Variants in XRCC4 observed in about 807,000 individuals in gnomAD.
XRCC4 encodes the protein X-ray repair cross complementing 4, also known as DNA repair protein XRCC4.
XRCC4 carries 28 observed loss-of-function variants against 39.1 expected under a neutral mutation model. The ratio of observed to expected loss-of-function variants is 0.72; its 90% CI spans 0.53 to 0.98. The LOEUF (loss-of-function observed/expected upper bound fraction) is 0.98. Among genes scored for constraint, XRCC4 ranks in the 50% least tolerant of loss-of-function variants. The pLI, the probability that XRCC4 is intolerant of heterozygous loss-of-function variation, is 0.00. For missense variants in XRCC4, 350 were observed against 376.4 expected (o/e 0.93, Z 0.58); for synonymous variants, 123 against 126.4 (o/e 0.97, Z 0.18).
chr5:83,215,169 C>CTACAAAAAA (rs756540289), intron 6 of XRCC4, among the ~76,000 whole-genome samples: 18 of 151,802 alleles, frequency 1.2e-4, no homozygotes, highest in Non-Finnish European at 2.4e-4. Context: ...AACTCCATCT[C>CTACAAAAAA]TACAAAAAAT....
chr5:83,358,408 A>G (rs2112247809), downstream of XRCC4, among the ~76,000 whole-genome samples: 1 of 151,888 alleles, frequency 6.6e-6, no homozygotes, highest in East Asian at 1.9e-4. Context: ...CCTCTCCTCT[A>G]TTTAAATAAA....
At chr5:83,194,163 C>T (rs1184715841) in intron 3 of XRCC4, among the ~76,000 whole-genome samples, 7 of 152,134 alleles carry the variant, frequency 4.6e-5, no homozygotes, top group Admixed American at 1.3e-4. Context: ...AGGCAGGTTT[C>T]GAACTCCTGA....
chr5:83,122,279 C>G (rs1747047460), intron 3 of XRCC4, among the ~76,000 whole-genome samples: 1 of 152,124 alleles, frequency 6.6e-6, no homozygotes, highest in African/African-American at 2.4e-5. Flanking sequence ...CCATATTAAG[C>G]CTTCTGACTC....
chr5:83,080,259 G>A (rs1026427834), intron 1 of XRCC4, among the ~76,000 whole-genome samples: 2 of 152,090 alleles, frequency 1.3e-5, no homozygotes, highest in African/African-American at 2.4e-5. Flanking sequence ...GGGTGCGGTG[G>A]CTCATGCCTG....
At chr5:83,144,404 C>T (rs2112530230) in intron 3 of XRCC4, among the ~76,000 whole-genome samples, 2 of 151,834 alleles carry the variant, frequency 1.3e-5, no homozygotes, top group Admixed American at 1.3e-4. Context: ...TTCCCAATAT[C>T]CTTACAAACT....
chr5:83,195,627 C>T, intron 3 of XRCC4, 143 bp from the exon 4 acceptor site: 2 of 745,068 alleles, frequency 2.7e-6, no homozygotes, highest in Non-Finnish European at 3.9e-6. Context: ...TTTTTTTGCT[C>T]ACTGTTTGTA....
intron 7 of XRCC4, among the ~76,000 whole-genome samples, chr5:83,342,822 A>G (rs1756803381): frequency 6.6e-6 from 1 of 152,166 alleles, no homozygotes; most frequent in African/African-American, 2.4e-5. Context: ...AACATTTAAA[A>G]TTTGAAAATA....
chr5:83,220,256 G>C (rs190382633), intron 6 of XRCC4, among the ~76,000 whole-genome samples: 1 of 152,108 alleles, frequency 6.6e-6, no homozygotes, highest in African/African-American at 2.4e-5. Context: ...CTGTTAAACA[G>C]CAAACCATGA....
At chr5:83,287,536 G>A (rs1036150442) in intron 7 of XRCC4, among the ~76,000 whole-genome samples, 2 of 152,000 alleles carry the variant, frequency 1.3e-5, no homozygotes, top group African/African-American at 4.8e-5. Flanking sequence ...CCAGAATGGA[G>A]ATGGAGAGAG....
chr5:83,158,676 T>A (rs1749069115), intron 3 of XRCC4, among the ~76,000 whole-genome samples: 1 of 152,064 alleles, frequency 6.6e-6, no homozygotes, highest in African/African-American at 2.4e-5. Flanking sequence ...ATAAGACAGT[T>A]GCACATTATA....
chr5:83,113,115 C>T (rs1213535141), intron 3 of XRCC4, among the ~76,000 whole-genome samples: 1 of 152,214 alleles, frequency 6.6e-6, no homozygotes, highest in Admixed American at 6.5e-5. Context: ...AAGTTAGTTA[C>T]TTCCCAGATA....
In XRCC4 at chr5:83,234,915, G is replaced by A. The variant is rs914613944; in HGVS notation, c.746-23615G>A. 1.6e-4 allele frequency among the ~76,000 whole-genome samples: 24 copies of A among 151,472 alleles called. No homozygotes were observed. The East Asian group carries it at 1.9e-3, about 12-fold the overall frequency. Reference sequence around the variant, plus strand: ...TTAAATAGATATATTTGTATATGATGTAGAATATATATTATTAAATATACA... The same window carrying A: ...TTAAATAGATATATTTGTATATGATATAGAATATATATTATTAAATATACA... On this transcript the variant is annotated intron_variant, in intron 6 of 7. Coordinates refer to ENST00000396027, the MANE Select transcript of XRCC4 (RefSeq NM_003401.5).
chr5:83,274,830 G>C (rs906151102), intron 7 of XRCC4, among the ~76,000 whole-genome samples: 2 of 152,034 alleles, frequency 1.3e-5, no homozygotes. Context: ...AAGCTTTGAG[G>C]GCCAATGGTC....
intron 7 of XRCC4, among the ~76,000 whole-genome samples, chr5:83,307,100 A>G (rs1755517855): frequency 6.6e-6 from 1 of 152,248 alleles, no homozygotes; most frequent in African/African-American, 2.4e-5. Flanking sequence ...ATTGAAAAGT[A>G]CAAGACTTCT....
chr5:83,314,037 T>C (rs1755797620), intron 7 of XRCC4, among the ~76,000 whole-genome samples: 1 of 152,084 alleles, frequency 6.6e-6, no homozygotes, highest in Admixed American at 6.6e-5. Context: ...ATTAATATTA[T>C]TTTATTATTA....
chr5:83,174,222 CT>C (rs1749852474), intron 3 of XRCC4, among the ~76,000 whole-genome samples: 2 of 152,060 alleles, frequency 1.3e-5, no homozygotes, highest in African/African-American at 2.4e-5. Flanking sequence ...AGGGGAATGC[CT>C]TTTCCTAGTT....
chr5:83,253,388 A>AT (rs377166052), intron 6 of XRCC4, among the ~76,000 whole-genome samples: 53 of 146,716 alleles, frequency 3.6e-4, no homozygotes, highest in East Asian at 9.9e-4. Flanking sequence ...AACAGTACAC[A>AT]TTTTTTTTTT....
intron 7 of XRCC4, among the ~76,000 whole-genome samples, chr5:83,329,216 A>G (rs1330210317): frequency 1.3e-5 from 2 of 152,198 alleles, no homozygotes; most frequent in African/African-American, 4.8e-5. Context: ...GAATATTTTT[A>G]ACGTCTTAAG....
At chr5:83,150,666 T>C (rs1748660144) in intron 3 of XRCC4, among the ~76,000 whole-genome samples, 1 of 152,150 alleles carries the variant, frequency 6.6e-6, no homozygotes, top group African/African-American at 2.4e-5. Context: ...AATGAGATTA[T>C]TGGACTTGTG....
Sources: gnomAD v4.1 joint callset for allele counts (sites outside exome capture counted in the v4.1 genomes callset) on GRCh38, gnomAD v4.1.1 for gene constraint, MANE v1.5 for transcripts, NCBI Gene and HGNC (gene_info 2026-07-23, HGNC 2026-07-21) for gene names.